The following MECOM variants were observed in gnomAD, a reference collection of about 807,000 sequenced individuals.
The protein encoded by MECOM is MDS1 and EVI1 complex locus.
Under a neutral mutation model 116.3 loss-of-function variants are expected in MECOM, and 13 were observed. The observed-to-expected ratio is 0.11, with a 90% confidence interval of 0.07 to 0.18. MECOM has a LOEUF of 0.18. Ranked by LOEUF, MECOM falls within the 10% of genes least tolerant of loss-of-function variation. The probability of loss-of-function intolerance (pLI) is 1.00; values close to 1 mark genes in which losing one functional copy is unlikely to be tolerated. For synonymous variants in MECOM, 528 were observed against 535.2 expected, an observed-to-expected ratio of 0.99 and a Z score of 0.19; for missense variants, 1,299 against 1,509.0, an observed-to-expected ratio of 0.86 and a Z score of 2.31.
At chr3:169,214,251 G>A (rs2220392) in intron 2 of MECOM, among the ~76,000 whole-genome samples, 16,097 of 151,796 alleles carry the variant, frequency 0.11, 958 homozygotes, top group Non-Finnish European at 0.13. Flanking sequence ...TAGAATTAGC[G>A]GTAGAAAAGA....
intron 2 of MECOM, among the ~76,000 whole-genome samples, chr3:169,195,283 C>T (rs944679257): frequency 5.3e-5 from 8 of 152,042 alleles, no homozygotes; most frequent in African/African-American, 1.9e-4. Flanking sequence ...TTGGTCTAAC[C>T]AGAGCTGATG....
chr3:169,460,740 T>A (rs1747303525), intron 1 of MECOM, among the ~76,000 whole-genome samples: 1 of 152,152 alleles, frequency 6.6e-6, no homozygotes, highest in South Asian at 2.1e-4. Flanking sequence ...AAGGCCCCCA[T>A]TAGCCCTGTC....
intron 1 of MECOM, among the ~76,000 whole-genome samples, chr3:169,413,072 C>T (rs112340886): frequency 0.032 from 4,831 of 152,206 alleles, 180 homozygotes; most frequent in African/African-American, 0.088. Flanking sequence ...GCAAGATGGC[C>T]GAATAGAAAC....
intron 1 of MECOM, among the ~76,000 whole-genome samples, chr3:169,441,151 C>T (rs565892135): frequency 6.6e-6 from 1 of 152,278 alleles, no homozygotes; most frequent in East Asian, 1.9e-4. Context: ...GCTGATGTGA[C>T]AGCTCAGCCT....
At chr3:169,164,458 T>G (rs576342304) in intron 2 of MECOM, among the ~76,000 whole-genome samples, 94 of 152,242 alleles carry the variant, frequency 6.2e-4, no homozygotes, top group Middle Eastern at 3.4e-3. Context: ...GAAAACCGAC[T>G]AATACAACAG....
chr3:169,186,042 C>T (rs1746661124), intron 2 of MECOM, among the ~76,000 whole-genome samples: 1 of 152,144 alleles, frequency 6.6e-6, no homozygotes, highest in African/African-American at 2.4e-5. Context: ...CTATCTCTGA[C>T]TCCCTCTGGA....
Position 169,448,338 on chromosome 3 carries a change from C to T in MECOM, c.38-66814G>A, listed in dbSNP as rs571756931. Reference sequence around the variant, plus strand: ...ACTAACTTAGTATTTATTTATAGGTCGCCCATCACATGCTAAGCATCTTCT... The same window carrying T: ...ACTAACTTAGTATTTATTTATAGGTTGCCCATCACATGCTAAGCATCTTCT... On this transcript the variant is annotated intron_variant, in intron 1 of 16. Transcript: ENST00000651503. 9.2e-5 allele frequency among the ~76,000 whole-genome samples: 14 copies of T among 152,186 alleles called. No homozygotes were observed. The South Asian group carries it at 1.9e-3, about 20-fold the overall frequency.
At chr3:169,470,305 C>T (rs952507828) in intron 1 of MECOM, 3 of 152,188 alleles carry the variant, frequency 2.0e-5, no homozygotes, top group Non-Finnish European at 2.9e-5. Context: ...TGAGACTACA[C>T]TTAAACTCTG....
At chr3:169,153,413 T>G (rs1380929440) in intron 2 of MECOM, among the ~76,000 whole-genome samples, 1 of 152,174 alleles carries the variant, frequency 6.6e-6, no homozygotes, top group Non-Finnish European at 1.5e-5. Flanking sequence ...AAAGATAACT[T>G]TGCTTACGAT....
intron 1 of MECOM, among the ~76,000 whole-genome samples, chr3:169,658,960 A>G (rs773803956): frequency 1.3e-5 from 2 of 151,954 alleles, no homozygotes; most frequent in Non-Finnish European, 2.9e-5. Context: ...TTCCTGCCCC[A>G]GGTCACAACT....
At chr3:169,327,868 T>C (rs1288453030) in intron 2 of MECOM, among the ~76,000 whole-genome samples, 1 of 152,168 alleles carries the variant, frequency 6.6e-6, no homozygotes, top group East Asian at 1.9e-4. Context: ...GCTGATCCTA[T>C]AACACTCCAC....
intron 3 of MECOM, among the ~76,000 whole-genome samples, chr3:169,135,820 T>C (rs142344273): frequency 6.6e-6 from 1 of 152,010 alleles, no homozygotes; most frequent in Non-Finnish European, 1.5e-5. Context: ...GGATAAGTTT[T>C]TATAGTAAAT....
At chr3:169,378,495 AAGAAAGAAAGAAAGAAAGAAAAG>A (rs1731668921) in intron 2 of MECOM, among the ~76,000 whole-genome samples, 2 of 34,182 alleles carry the variant, frequency 5.9e-5, no homozygotes, top group African/African-American at 5.4e-4. Context: ...GAGAGAAAGA[AAGAAAGAAAGAAAGAAAGAAAAG>A]AAAGAAAGAA....
At chr3:169,482,340 T>TC (rs1553866281) in intron 1 of MECOM, among the ~76,000 whole-genome samples, 3 of 147,262 alleles carry the variant, frequency 2.0e-5, no homozygotes, top group Non-Finnish European at 3.0e-5. Context: ...TTTTTTTTTT[T>TC]TTTTTTTTTG....
chr3:169,320,269 T>C (rs1720619677), intron 2 of MECOM, among the ~76,000 whole-genome samples: 1 of 152,170 alleles, frequency 6.6e-6, no homozygotes, highest in Non-Finnish European at 1.5e-5. Context: ...CCAAACCAGA[T>C]GTTTTTGAGG....
intron 1 of MECOM, among the ~76,000 whole-genome samples, chr3:169,656,339 G>A (rs764503644): frequency 2.0e-5 from 3 of 152,068 alleles, no homozygotes; most frequent in Non-Finnish European, 2.9e-5. Context: ...TTCTCCTTTA[G>A]AATTGTTATA....
chr3:169,330,030 TTTTTA>T (rs1031882624), intron 2 of MECOM, among the ~76,000 whole-genome samples: 5 of 152,102 alleles, frequency 3.3e-5, no homozygotes, highest in Admixed American at 6.6e-5. Context: ...GGTAGGTGGA[TTTTTA>T]TTTTTTTTTA....
intron 2 of MECOM, among the ~76,000 whole-genome samples, chr3:169,191,766 G>GAAAGAA (rs1577305883): frequency 7.5e-6 from 1 of 133,288 alleles, no homozygotes; most frequent in African/African-American, 2.8e-5. Flanking sequence ...AAGAAAGAAA[G>GAAAGAA]AAAGAAAGAA....
intron 2 of MECOM, chr3:169,146,936 G>C: frequency 9.8e-7 from 1 of 1,021,936 alleles, no homozygotes; most frequent in Non-Finnish European, 1.2e-6. Context: ...AACTTTGTCC[G>C]TCTCTAGGAT....
Sources: gnomAD v4.1 joint callset for allele counts (sites outside exome capture counted in the v4.1 genomes callset) on GRCh38, gnomAD v4.1.1 for gene constraint, MANE v1.5 for transcripts, NCBI Gene and HGNC (gene_info 2026-07-23, HGNC 2026-07-21) for gene names.